Variants in ALPL observed in about 807,000 individuals in gnomAD.
ALPL encodes alkaline phosphatase, biomineralization associated.
ALPL carries 42 observed loss-of-function variants against 51.3 expected under a neutral mutation model. That is an observed-to-expected ratio of 0.82 (90% CI 0.64 to 1.06). ALPL has a LOEUF of 1.06. Among genes scored for constraint, ALPL ranks in the 50% least tolerant of loss-of-function variants. The probability of loss-of-function intolerance (pLI) is 0.00; values close to 1 mark genes in which losing one functional copy is unlikely to be tolerated. For synonymous variants in ALPL, 279 were observed against 296.4 expected, an observed-to-expected ratio of 0.94 and a Z score of 0.60; for missense variants, 589 against 709.4, an observed-to-expected ratio of 0.83 and a Z score of 1.93.
At chr1:21,514,301 C>A (rs536446516) in intron 1 of ALPL, among the ~76,000 whole-genome samples, 1 of 152,190 alleles carries the variant, frequency 6.6e-6, no homozygotes, top group Non-Finnish European at 1.5e-5. Flanking sequence ...ACAGCCCCTG[C>A]AGGGAAGAGA....
chr1:21,577,714 C>G lies in ALPL; in HGVS notation c.*66C>G, dbSNP rs78043671. On this transcript the variant is annotated 3_prime_UTR_variant, in exon 12 of 12. Transcript: ENST00000374840. Reference sequence around the variant, plus strand: ...CAACTTCCCACACGGCAGCCCCCCCCTCAAGGGGCAGGGAGGTGGGGGCCT... The same window carrying G: ...CAACTTCCCACACGGCAGCCCCCCCGTCAAGGGGCAGGGAGGTGGGGGCCT... The G allele has an allele frequency of 1.0e-5, 16 of 1,542,832 alleles. No homozygotes were observed. In the African/African-American group the frequency reaches 1.2e-4, roughly 12 times the overall value.
intron 1 of ALPL, among the ~76,000 whole-genome samples, chr1:21,520,966 C>T (rs1643877510): frequency 6.6e-6 from 1 of 152,166 alleles, no homozygotes; most frequent in African/African-American, 2.4e-5. Flanking sequence ...TGCCTTTGTA[C>T]CTGCCATCCC....
At position 21,561,892 on chromosome 1, in the gene ALPL, C is replaced by T. The variant is rs1644490956; in HGVS notation, c.297+680C>T. On this transcript the variant is annotated intron_variant, in intron 4 of 11. Coordinates refer to ENST00000374840, the MANE Select transcript of ALPL (RefSeq NM_000478.6). The stretch of plus-strand genomic sequence containing the variant: ...CTGTTGGCCAGGCTGGTCTCGAACT[C>T]CTGACCCCAGGTGATCTGCCCACCT... 2.6e-5 allele frequency among the ~76,000 whole-genome samples: 4 copies of T among 152,096 alleles called. 1 individual carries two copies. In the South Asian group the frequency reaches 8.3e-4, roughly 32 times the overall value.
intron 8 of ALPL, 90 bp from the exon 9 acceptor site, chr1:21,573,575 T>C (rs1360459060): frequency 1.3e-6 from 2 of 1,530,802 alleles, no homozygotes; most frequent in Non-Finnish European, 1.8e-6. Context: ...GTGGGGAGCC[T>C]GCATTCCCTG....
intron 1 of ALPL, among the ~76,000 whole-genome samples, chr1:21,524,784 G>A (rs1286731226): frequency 1.3e-5 from 2 of 152,214 alleles, no homozygotes; most frequent in Non-Finnish European, 2.9e-5. Flanking sequence ...GGGAGGCTCC[G>A]AGGCTCCAGC....
At chr1:21,552,194 A>C (rs1440610627) in intron 1 of ALPL, among the ~76,000 whole-genome samples, 1 of 134,564 alleles carries the variant, frequency 7.4e-6, no homozygotes, top group Non-Finnish European at 1.6e-5. Context: ...ATTAAAAAAA[A>C]AAATCTTGGA....
chr1:21,510,350 G>T lies in ALPL; in HGVS notation c.-105+833G>T, dbSNP rs914277569. ...GGTCGAAGGCGGGGCCTTTACAAAG[G>T]CCTCTGGGTGGAGGGTGAAATTCCT... On this transcript the variant is annotated intron_variant, in intron 1 of 11. Transcript: ENST00000374840. Among the ~76,000 whole-genome samples the T allele has an allele frequency of 3.9e-5, 6 of 152,318 alleles. 1 individual carries two copies. The highest frequency in any genetic ancestry group is 3.9e-4 in the Admixed American group (6 of 15,306).
At chr1:21,538,372 C>G (rs1313751182) in intron 1 of ALPL, among the ~76,000 whole-genome samples, 2 of 152,192 alleles carry the variant, frequency 1.3e-5, no homozygotes, top group East Asian at 1.9e-4. Context: ...CTTCTGTGGC[C>G]GGCTGGAGCG....
At chr1:21,555,561 C>G (rs552848046) in intron 2 of ALPL, among the ~76,000 whole-genome samples, 5 of 151,820 alleles carry the variant, frequency 3.3e-5, no homozygotes, top group Admixed American at 3.3e-4. Context: ...GGATTACAGG[C>G]GTGCGCCGCA....
chr1:21,540,069 G>C (rs879287275), intron 1 of ALPL, among the ~76,000 whole-genome samples: 1 of 152,136 alleles, frequency 6.6e-6, no homozygotes, highest in Non-Finnish European at 1.5e-5. Context: ...GAGGTGGTTG[G>C]CGAACACCGC....
At chr1:21,563,048 C>A in intron 4 of ALPL, 62 bp from the exon 5 acceptor site, 1 of 1,594,430 alleles carries the variant, frequency 6.3e-7, no homozygotes, top group Non-Finnish European at 8.6e-7. Flanking sequence ...TGAGTGTAGG[C>A]GGGGTGGGTG....
At chr1:21,533,942 A>T (rs1644064884) in intron 1 of ALPL, among the ~76,000 whole-genome samples, 1 of 147,766 alleles carries the variant, frequency 6.8e-6, no homozygotes. Context: ...AAAAAAGAAG[A>T]AGAAGAAGAA....
rs561040332 is a variant in ALPL, at chr1:21,519,530, C to G, written c.-105+10013C>G. On this transcript the variant is annotated intron_variant, in intron 1 of 11. Transcript: ENST00000374840. ...GAAGCTCAGAGGCTGGGCACAAGGG[C>G]TCACGCATGTAATCCCAGCACTTTG... Among the ~76,000 whole-genome samples, 12 of 152,380 alleles carry G rather than the reference C, an allele frequency of 7.9e-5. 2 individuals are homozygous for G. Among genetic ancestry groups the G allele is most frequent in the African/African-American group, 2.9e-4 (12 of 41,584 alleles).
chr1:21,559,813 C>T (rs983010521), intron 2 of ALPL, among the ~76,000 whole-genome samples: 4 of 152,084 alleles, frequency 2.6e-5, no homozygotes, highest in Non-Finnish European at 5.9e-5. Context: ...AGCCACCATG[C>T]CCAGCAGCTG....
chr1:21,516,385 G>A (rs938603981), intron 1 of ALPL, among the ~76,000 whole-genome samples: 2 of 151,888 alleles, frequency 1.3e-5, no homozygotes, highest in East Asian at 1.9e-4. Context: ...GCCTCATTCC[G>A]CTGGTCCCTG....
At chr1:21,545,745 G>A (rs1365788853) in intron 1 of ALPL, among the ~76,000 whole-genome samples, 7 of 152,072 alleles carry the variant, frequency 4.6e-5, no homozygotes, top group Non-Finnish European at 8.8e-5. Flanking sequence ...TTCCTACTCC[G>A]GCTCAGGAGG....
At chr1:21,513,653 C>G (rs1643735454) in intron 1 of ALPL, among the ~76,000 whole-genome samples, 1 of 152,174 alleles carries the variant, frequency 6.6e-6, no homozygotes, top group Non-Finnish European at 1.5e-5. Context: ...TATGGGAGAT[C>G]CATCACAAAC....
chr1:21,573,914 C>G, intron 9 of ALPL, 115 bp downstream of exon 9: 2 of 1,541,022 alleles, frequency 1.3e-6, no homozygotes, highest in Admixed American at 4.0e-5. Flanking sequence ...GGGAGAGGTC[C>G]CTTTAGGAGA....
intron 1 of ALPL, among the ~76,000 whole-genome samples, chr1:21,537,974 G>A (rs1465722531): frequency 1.3e-5 from 2 of 152,196 alleles, no homozygotes; most frequent in African/African-American, 4.8e-5. Context: ...TGACTTTTCT[G>A]TACACTGGGA....
Sources: allele counts gnomAD v4.1 joint callset (sites outside exome capture counted in the v4.1 genomes callset), GRCh38; gene constraint gnomAD v4.1.1; transcripts MANE v1.5; gene names NCBI Gene and HGNC (gene_info 2026-07-23, HGNC 2026-07-21).